The following NUP50 variants were observed in gnomAD, a reference collection of about 807,000 sequenced individuals.
NUP50 encodes nuclear pore complex protein Nup50.
Under a neutral mutation model 36.8 loss-of-function variants are expected in NUP50, and 14 were observed. The ratio of observed to expected loss-of-function variants is 0.38; its 90% confidence interval spans 0.25 to 0.59. The LOEUF is 0.59. NUP50 is among the 20% of genes least tolerant of loss of function. The pLI is 0.63. For missense variants in NUP50, 455 were observed against 564.6 expected, an observed-to-expected ratio of 0.81 and a Z score of 1.97; for synonymous variants, 195 against 210.8, an observed-to-expected ratio of 0.93 and a Z score of 0.65.
Position 45,164,303 on chromosome 22 carries a change from A to G in NUP50, c.-11+7A>G, listed in dbSNP as rs564607. 1 allele frequency: 153,111 copies of G among 153,118 alleles called. 76,552 individuals are homozygous for G. The highest frequency in any genetic ancestry group is 1 in the Non-Finnish European group (68,784 of 68,784). 9.5% of individuals were successfully genotyped at this position (153,118 alleles called of 1,614,324 possible). A position where few individuals can be genotyped will look rare whatever the true frequency, so the allele number is the denominator to read the frequency against. On this transcript the variant is annotated splice_region_variant and intron_variant, in intron 1 of 7. Coordinates refer to ENST00000347635, the MANE Select transcript of NUP50 (RefSeq NM_007172.4). ...AGCGGCGGCCGCCGAGGAGGTGAGG[A>G]GCGGCGGCGGGCGCGGGAGGAGAAG...
chr22:45,185,769 G>T lies in NUP50; in HGVS notation c.*1114G>T, dbSNP rs938131984. The T allele has an allele frequency of 6.6e-6, 1 of 152,190 alleles. No homozygotes were observed. The highest frequency in any genetic ancestry group is 2.4e-5 in the African/African-American group (1 of 41,442). The allele number at this position is 152,190 out of a possible 1,614,324, so 9.4% of individuals were successfully genotyped here. A position where few individuals can be genotyped will look rare whatever the true frequency, so the allele number is the denominator to read the frequency against. ...CATGGTTATTCACACGAATATCCCT[G>T]TCACTTCTCCAGAGGTGTCAGGTAA... On this transcript the variant is annotated 3_prime_UTR_variant, in exon 8 of 8. Transcript: ENST00000347635.
chr22:45,171,071 T>C lies in NUP50; in HGVS notation c.70-529T>C, dbSNP rs575710077. 288 of 1,302,094 alleles carry C rather than the reference T, an allele frequency of 2.2e-4. No homozygotes were observed. The African/African-American group carries it at 4.2e-3, about 19-fold the overall frequency. 80.7% of individuals were successfully genotyped at this position (1,302,094 alleles called of 1,614,324 possible). A position where few individuals can be genotyped will look rare whatever the true frequency, so the allele number is the denominator to read the frequency against. On this transcript the variant is annotated intron_variant, in intron 2 of 7. Transcript: ENST00000347635. ...ATCAGAAGTGTGGACATGAGTGTGC[T>C]TTGAGCGCACTGTGGAAGAGCAGTG...
rs191921365 is a variant in NUP50 at position 45,164,821 on chromosome 22, C to G, written c.-11+525C>G. The stretch of plus-strand genomic sequence containing the variant: ...CCGTTTCCTTCCTAGCGATTCCTCT[C>G]GAGCTTCCTCTCCCCCTGGCCGCCC... On this transcript the variant is annotated intron_variant, in intron 1 of 7. Transcript: ENST00000347635. 2.6e-5 allele frequency: 4 copies of G among 153,118 alleles called. No homozygotes were observed. The East Asian group carries it at 7.7e-4, about 29-fold the overall frequency. The allele number at this position is 153,118 out of a possible 1,614,324, so 9.5% of individuals were successfully genotyped here. A position where few individuals can be genotyped will look rare whatever the true frequency, so the allele number is the denominator to read the frequency against.
intron 2 of NUP50, among the ~76,000 whole-genome samples, chr22:45,170,362 T>A (rs1260379309): frequency 6.6e-6 from 1 of 152,176 alleles, no homozygotes. Context: ...CCAGTAGGGC[T>A]GGACTCTACA....
rs1381207365 is a variant in NUP50 at position 45,178,455 on chromosome 22, C to T, written c.558C>T (p.Ile186=). The stretch of plus-strand genomic sequence containing the variant: ...ACCCCCTCTGTGATCTGACACCTAT[C>T]TTTAAAGACTATGAGAAATATTTAG... ...NTNPLCDLTP[I]FKDYEKYLAN... Residue 186 remains isoleucine, a synonymous_variant, in exon 5 of 8, where the codon ATC becomes ATT. Coordinates refer to ENST00000347635, the MANE Select transcript of NUP50 (RefSeq NM_007172.4). 4 of 1,613,344 alleles carry T rather than the reference C, an allele frequency of 2.5e-6. No individual in the cohort carries two copies. Among genetic ancestry groups the T allele is most frequent in the African/African-American group, 1.3e-5 (1 of 74,892 alleles).
chr22:45,186,844 T>C lies in NUP50; in HGVS notation c.*2189T>C, dbSNP rs1391571996. 6.6e-6 allele frequency: 1 copy of C among 152,590 alleles called. No individual in the cohort carries two copies. Among genetic ancestry groups the C allele is most frequent in the Non-Finnish European group, 1.5e-5 (1 of 68,032 alleles). 9.5% of individuals were successfully genotyped at this position (152,590 alleles called of 1,614,324 possible). A position where few individuals can be genotyped will look rare whatever the true frequency, so the allele number is the denominator to read the frequency against. On this transcript the variant is annotated 3_prime_UTR_variant, in exon 8 of 8. Coordinates refer to ENST00000347635, the MANE Select transcript of NUP50 (RefSeq NM_007172.4). Reference sequence around the variant, plus strand: ...AGGAACTGGTTGGTCTCCACTTTGATTATTAGTGTAAAGAGCCTGAGTATA... The same window carrying C: ...AGGAACTGGTTGGTCTCCACTTTGACTATTAGTGTAAAGAGCCTGAGTATA...
chr22:45,179,499 G>GTC (rs2074332396), intron 5 of NUP50, among the ~76,000 whole-genome samples: 1 of 152,216 alleles, frequency 6.6e-6, no homozygotes, highest in South Asian at 2.1e-4. Context: ...GACCTCTGTT[G>GTC]TTAGCTTAAA....
At chr22:45,171,853 T>G in intron 3 of NUP50, 170 bp downstream of exon 3, 1 of 558,876 alleles carries the variant, frequency 1.8e-6, no homozygotes, top group Non-Finnish European at 3.2e-6. Flanking sequence ...GTCTGGACCT[T>G]AAAGAGAGCT....
At position 45,181,138 on chromosome 22, in the gene NUP50, C is replaced by T. The variant is rs898405411; in HGVS notation, c.1004-148C>T. ...CTGCAGGTACTCCCTTCTGGCATCC[C>T]CCCCCCCCCCCATTAAGTGTGCATT... is the stretch of plus-strand genomic sequence containing the variant. On this transcript the variant is annotated intron_variant, in intron 5 of 7. Coordinates refer to ENST00000347635, the MANE Select transcript of NUP50 (RefSeq NM_007172.4). The T allele has an allele frequency of 2.8e-4, 9 of 32,694 alleles. 1 individual carries two copies. Among genetic ancestry groups the T allele is most frequent in the African/African-American group, 5.7e-4 (7 of 12,190 alleles). The allele number at this position is 32,694 out of a possible 1,614,324, so 2.0% of individuals were successfully genotyped here. A position where few individuals can be genotyped will look rare whatever the true frequency, so the allele number is the denominator to read the frequency against.
chr22:45,184,628 A>C lies in NUP50; in HGVS notation c.1380A>C (p.Lys460Asn). 6.2e-7 allele frequency: 1 copy of C among 1,613,154 alleles called. No individual in the cohort carries two copies. The highest frequency in any genetic ancestry group is 8.5e-7 in the Non-Finnish European group (1 of 1,179,488). ...GCGAGGATGCAGACGAGTTGCACAA[A>C]ATTTTACTGGAGAAAAAGGATGCCT... ...KTSEDADELH[K>N]ILLEKKDA Residue 460 changes from lysine (K) to asparagine (N), a missense_variant, in exon 8 of 8, where the codon AAA becomes AAC. Transcript: ENST00000347635.
chr22:45,181,680 C>T (rs2074375716), intron 6 of NUP50, among the ~76,000 whole-genome samples: 1 of 152,114 alleles, frequency 6.6e-6, no homozygotes, highest in African/African-American at 2.4e-5. Context: ...CTCCCTGTGT[C>T]TTTCTCCCTC....
At chr22:45,169,493 A>G (rs2074150951) in intron 2 of NUP50, among the ~76,000 whole-genome samples, 3 of 152,244 alleles carry the variant, frequency 2.0e-5, no homozygotes, top group Non-Finnish European at 4.4e-5. Context: ...TAGAATAAGA[A>G]TAGTCATAAT....
chr22:45,178,294 A>G lies in NUP50; in HGVS notation c.397A>G (p.Thr133Ala), dbSNP rs777602610. 7 of 1,613,962 alleles carry G rather than the reference A, an allele frequency of 4.3e-6. No homozygotes were observed. Among genetic ancestry groups the G allele is most frequent in the Non-Finnish European group, 5.9e-6 (7 of 1,179,868 alleles). Reference protein sequence around the residue: ...TLVDKVSNPKTNGDSQQPSSS... With the variant: ...TLVDKVSNPKANGDSQQPSSS... ...GGTTGATAAAGTTTCAAATCCCAAAACTAATGGGGACAGTCAGCAGCCCTC... is the reference window on the plus strand; with the variant it reads ...GGTTGATAAAGTTTCAAATCCCAAAGCTAATGGGGACAGTCAGCAGCCCTC... Residue 133 changes from threonine (T) to alanine (A), a missense_variant, in exon 5 of 8, where the codon ACT becomes GCT. By Grantham distance (58) the Thr-to-Ala change is moderately conservative (BLOSUM62 0). This residue lies in a region of NUP50 where 166 missense variants were observed against 202.8 expected (regional missense o/e 0.82). Transcript: ENST00000347635.
intron 1 of NUP50, among the ~76,000 whole-genome samples, chr22:45,165,168 C>T (rs749149496): frequency 3.3e-5 from 5 of 152,212 alleles, no homozygotes; most frequent in Non-Finnish European, 5.9e-5. Context: ...AGTCTCCCAC[C>T]ACGTTGCTTC....
chr22:45,181,194 G>A (rs1398882444), intron 5 of NUP50, 92 bp from the exon 6 acceptor site: 6 of 715,606 alleles, frequency 8.4e-6, no homozygotes, highest in Non-Finnish European at 1.3e-5. Flanking sequence ...GAGTGCTCCG[G>A]TGGAGGTTTA....
rs746475912 is a variant in NUP50, at chr22:45,176,104, C to T, written c.340+24C>T. On this transcript the variant is annotated intron_variant, in intron 4 of 7. Transcript: ENST00000347635. Reference sequence around the variant, plus strand: ...TGGTAAGTAGCTCCCATCCCCCAGCCGCCTGTGTAAGTATCATCTATGGAA... The same window carrying T: ...TGGTAAGTAGCTCCCATCCCCCAGCTGCCTGTGTAAGTATCATCTATGGAA... 21 of 1,609,070 alleles carry T rather than the reference C, an allele frequency of 1.3e-5. No homozygotes were observed. The East Asian group carries it at 1.8e-4, about 14-fold the overall frequency.
In NUP50 at chr22:45,186,778, T is replaced by C. The variant is rs1212180674; in HGVS notation, c.*2123T>C. On this transcript the variant is annotated 3_prime_UTR_variant, in exon 8 of 8. Coordinates refer to ENST00000347635, the MANE Select transcript of NUP50 (RefSeq NM_007172.4). ...AAAAATGTGATGAATATACCGTAAC[T>C]CAAAATGTGATATTTTCTTAAAATC... is the stretch of plus-strand genomic sequence containing the variant. 2 of 152,662 alleles carry C rather than the reference T, an allele frequency of 1.3e-5. No homozygotes were observed. Among genetic ancestry groups the C allele is most frequent in the Non-Finnish European group, 2.9e-5 (2 of 68,040 alleles). The allele number at this position is 152,662 out of a possible 1,614,324, so 9.5% of individuals were successfully genotyped here. A position where few individuals can be genotyped will look rare whatever the true frequency, so the allele number is the denominator to read the frequency against.
intron 1 of NUP50, among the ~76,000 whole-genome samples, chr22:45,167,906 C>T (rs143642631): frequency 1.6e-4 from 24 of 152,126 alleles, no homozygotes; most frequent in Non-Finnish European, 7.4e-5. Context: ...CAAATGGAGT[C>T]GGTTTAGTGT....
rs2074058264 is a variant in NUP50 at position 45,164,282 on chromosome 22, G to C, written c.-25G>C. 6.5e-6 allele frequency: 1 copy of C among 152,732 alleles called. No homozygotes were observed. Among genetic ancestry groups the C allele is most frequent in the Non-Finnish European group, 1.5e-5 (1 of 68,478 alleles). 9.5% of individuals were successfully genotyped at this position (152,732 alleles called of 1,614,324 possible). A position where few individuals can be genotyped will look rare whatever the true frequency, so the allele number is the denominator to read the frequency against. ...CAACCAAGACCCAGCGAGTGCAGCG[G>C]CGGCCGCCGAGGAGGTGAGGAGCGG... On this transcript the variant is annotated 5_prime_UTR_variant, in exon 1 of 8. Coordinates refer to ENST00000347635, the MANE Select transcript of NUP50 (RefSeq NM_007172.4).
Sources: allele counts gnomAD v4.1 joint callset (sites outside exome capture counted in the v4.1 genomes callset), GRCh38; gene constraint gnomAD v4.1.1; regional missense constraint gnomAD v4.1.1; transcripts MANE v1.5; gene names NCBI Gene and HGNC (gene_info 2026-07-23, HGNC 2026-07-21).